LTBP1: variants seen among roughly 807,000 people sequenced by gnomAD.
The protein encoded by LTBP1 is latent transforming growth factor beta binding protein 1.
Under a neutral mutation model 207.6 loss-of-function variants are expected in LTBP1, and 129 were observed. That is an observed-to-expected ratio of 0.62 (90% CI 0.54 to 0.72). The LOEUF (loss-of-function observed/expected upper bound fraction) is 0.72, where lower values mean the gene tolerates loss of function less well. Ranked by LOEUF, LTBP1 falls within the 30% of genes least tolerant of loss-of-function variation. LTBP1 has a pLI of 0.00. For synonymous variants in LTBP1, 963 were observed against 833.7 expected (o/e 1.16, Z -2.67); for missense variants, 2,281 against 2,217.2 (o/e 1.03, Z -0.58).
chr2:33,159,279 A>G (rs546988904), intron 5 of LTBP1, among the ~76,000 whole-genome samples: 1 of 152,286 alleles, frequency 6.6e-6, no homozygotes, highest in African/African-American at 2.4e-5. Context: ...CATACAGATG[A>G]CTTAGTGGTA....
At position 33,134,533 on chromosome 2, in the gene LTBP1, C is replaced by T; in HGVS notation, c.1034-260C>T. ...TAGTAATCCCACTCCAGTGACTCGA[C>T]TTCAAATGTGGTTTTGGAGTGCATC... On this transcript the variant is annotated intron_variant, in intron 4 of 33. Transcript: ENST00000404816. This position sits in a 1 kb window ranked among gnomAD's most constrained non-coding sequence, Gnocchi z 4.4. The T allele has an allele frequency of 3.3e-6, 5 of 1,506,894 alleles. No individual in the cohort carries two copies. The South Asian group carries it at 4.8e-5, about 15-fold the overall frequency. 93.3% of individuals were successfully genotyped at this position (1,506,894 alleles called of 1,614,324 possible). A position where few individuals can be genotyped will look rare whatever the true frequency, so the allele number is the denominator to read the frequency against.
At chr2:33,289,628 G>A (rs978538574) in intron 19 of LTBP1, among the ~76,000 whole-genome samples, 6 of 152,126 alleles carry the variant, frequency 3.9e-5, no homozygotes, top group African/African-American at 1.4e-4. Context: ...AGCCTCCTGA[G>A]TTTCTAGGAT....
At chr2:33,207,041 C>T (rs1468689143) in intron 7 of LTBP1, among the ~76,000 whole-genome samples, 1 of 152,086 alleles carries the variant, frequency 6.6e-6, no homozygotes, top group Non-Finnish European at 1.5e-5. Context: ...TTTCTTTTTG[C>T]AACTTAAGAG....
At chr2:33,047,006 CTTCT>C (rs1248776743) in intron 3 of LTBP1, among the ~76,000 whole-genome samples, 1 of 151,930 alleles carries the variant, frequency 6.6e-6, no homozygotes, top group African/African-American at 2.4e-5. Flanking sequence ...TCTCTCTTTT[CTTCT>C]TTATTAGTGT....
At chr2:33,136,119 G>A (rs1288538631) in intron 5 of LTBP1, among the ~76,000 whole-genome samples, 4 of 152,150 alleles carry the variant, frequency 2.6e-5, no homozygotes, top group South Asian at 2.1e-4. Context: ...ATTTTTGATC[G>A]TCTGTACTTG....
rs2148429439 is a variant in LTBP1 at position 33,275,918 on chromosome 2, G to A, written c.2987G>A (p.Cys996Tyr). ...TACCGCATGACTCAGAGAGGCCGTT[G>A]TGAGGGTGAGTCAGCTGAGAGTGTT... is the stretch of plus-strand genomic sequence containing the variant. ...SGYRMTQRGRCEDIDECLNPS... is the reference protein window; with the variant it reads ...SGYRMTQRGRYEDIDECLNPS... Residue 996 changes from cysteine (C) to tyrosine (Y), a missense_variant, in exon 18 of 34, where the codon TGT becomes TAT. By Grantham distance (194) the Cys-to-Tyr change is radical (BLOSUM62 -2). This residue lies in a region of LTBP1 where 1,671 missense variants were observed against 1,634.8 expected (regional missense o/e 1.02). Transcript: ENST00000404816. 8.2e-6 allele frequency: 13 copies of A among 1,587,100 alleles called. No individual in the cohort carries two copies. The highest frequency in any genetic ancestry group is 1.1e-5 in the Non-Finnish European group (13 of 1,166,764).
intron 3 of LTBP1, among the ~76,000 whole-genome samples, chr2:33,023,343 C>T (rs542970264): frequency 1.3e-5 from 2 of 152,198 alleles, no homozygotes; most frequent in African/African-American, 4.8e-5. Flanking sequence ...TAGTAAGAAC[C>T]GTATGTCGGA....
intron 31 of LTBP1, among the ~76,000 whole-genome samples, chr2:33,379,799 C>T (rs1031263057): frequency 6.6e-6 from 1 of 152,142 alleles, no homozygotes; most frequent in Non-Finnish European, 1.5e-5. Flanking sequence ...GTGTTATTTT[C>T]ATATTACATT....
chr2:33,254,852 GTTTTTTTTTTTTTT>G (rs70938393), intron 11 of LTBP1, among the ~76,000 whole-genome samples: 13 of 10,366 alleles, frequency 1.3e-3, no homozygotes, highest in African/African-American at 2.7e-3. Context: ...GCGGTGTTTG[GTTTTTTTTTTTTTT>G]TTTTTTTTTT....
chr2:33,305,569 C>T (rs527846103), intron 22 of LTBP1, among the ~76,000 whole-genome samples: 9 of 152,038 alleles, frequency 5.9e-5, no homozygotes, highest in Non-Finnish European at 1.3e-4. Flanking sequence ...AGGGGCACCA[C>T]GTCAGCACTT....
At chr2:33,052,185 T>A (rs1033991846) in intron 3 of LTBP1, among the ~76,000 whole-genome samples, 2 of 152,240 alleles carry the variant, frequency 1.3e-5, no homozygotes, top group African/African-American at 4.8e-5. Context: ...GAGGGCCACG[T>A]CATTCGACCG....
At chr2:33,334,582 G>A (rs2094533613) in intron 24 of LTBP1, among the ~76,000 whole-genome samples, 1 of 152,162 alleles carries the variant, frequency 6.6e-6, no homozygotes, top group African/African-American at 2.4e-5. Flanking sequence ...ATGTGGAGCA[G>A]TAATCAAGGA....
intron 3 of LTBP1, among the ~76,000 whole-genome samples, chr2:33,031,953 G>A (rs924553393): frequency 2.6e-5 from 4 of 152,168 alleles, no homozygotes; most frequent in Admixed American, 1.3e-4. Flanking sequence ...GGGCAGATGA[G>A]AGAGAGGGAG....
chr2:33,188,923 C>G, intron 7 of LTBP1, 72 bp downstream of exon 7: 3 of 1,494,788 alleles, frequency 2.0e-6, no homozygotes, highest in Middle Eastern at 1.9e-4. Flanking sequence ...GAAAGCCAGA[C>G]TTGATAAAAA....
In LTBP1 at chr2:33,180,681, C is replaced by T. The variant is rs571594928; in HGVS notation, c.1202-6175C>T. On this transcript the variant is annotated intron_variant, in intron 5 of 33. Coordinates refer to ENST00000404816, the MANE Select transcript of LTBP1 (RefSeq NM_206943.4). ...TTGTTGACCAGGCTGGTCTTGAACTCCTGGCCTTAAGTGATCTGCCTGCCT... is the reference window on the plus strand; with the variant it reads ...TTGTTGACCAGGCTGGTCTTGAACTTCTGGCCTTAAGTGATCTGCCTGCCT... 3.6e-4 allele frequency among the ~76,000 whole-genome samples: 55 copies of T among 152,146 alleles called. No individual in the cohort carries two copies. In the South Asian group the frequency reaches 4.8e-3, roughly 13 times the overall value.
At chr2:32,985,589 A>G (rs750147381) in intron 2 of LTBP1, among the ~76,000 whole-genome samples, 7 of 152,200 alleles carry the variant, frequency 4.6e-5, no homozygotes, top group Non-Finnish European at 1.0e-4. Context: ...TTCCCAGACT[A>G]CAGATGAATC....
chr2:33,280,235 A>G (rs566266320), intron 19 of LTBP1, 77 bp downstream of exon 19: 15 of 1,357,110 alleles, frequency 1.1e-5, no homozygotes, highest in Admixed American at 2.7e-5. Flanking sequence ...TGTAATGCCA[A>G]TGGAGCCCTC....
At chr2:33,244,325 T>C (rs1035964106) in intron 10 of LTBP1, among the ~76,000 whole-genome samples, 3 of 152,226 alleles carry the variant, frequency 2.0e-5, no homozygotes, top group Non-Finnish European at 4.4e-5. Flanking sequence ...ATTTCAGATA[T>C]TGTCTTGTTC....
rs55865237 is a variant in LTBP1 at position 33,338,587 on chromosome 2, G to A, written c.3731-4251G>A. Among the ~76,000 whole-genome samples the A allele has an allele frequency of 5.9e-3, 903 of 152,204 alleles. 10 individuals are homozygous for A. The highest frequency in any genetic ancestry group is 0.021 in the African/African-American group (861 of 41,498). On this transcript the variant is annotated intron_variant, in intron 24 of 33. Transcript: ENST00000404816. ...CAGTGGCACAAAATGCTCTGGGACT[G>A]GAGAGGAGAGGCCCTGAGATCTGCT... is the stretch of plus-strand genomic sequence containing the variant.
Sources: allele counts gnomAD v4.1 joint callset (sites outside exome capture counted in the v4.1 genomes callset), GRCh38; gene constraint gnomAD v4.1.1; regional missense constraint gnomAD v4.1.1; non-coding constraint Gnocchi (gnomAD v3.1); transcripts MANE v1.5; gene names NCBI Gene and HGNC (gene_info 2026-07-23, HGNC 2026-07-21).